Variants in CCDC149 observed in about 807,000 individuals in gnomAD.
CCDC149 encodes coiled-coil domain-containing protein 149.
Under a neutral mutation model 59.9 loss-of-function variants are expected in CCDC149, and 45 were observed. That is an observed-to-expected ratio of 0.75 (90% confidence interval 0.59 to 0.96). The LOEUF (loss-of-function observed/expected upper bound fraction) is 0.96, where lower values mean the gene tolerates loss of function less well. Ranked by LOEUF, CCDC149 falls within the 40% of genes least tolerant of loss-of-function variation. CCDC149 has a pLI of 0.00. For missense variants in CCDC149, 584 were observed against 664.7 expected (o/e 0.88, Z 1.33); for synonymous variants, 245 against 260.6 (o/e 0.94, Z 0.58).
At position 24,975,960 on chromosome 4, in the gene CCDC149, G is replaced by T. The variant is rs559868370; in HGVS notation, c.-65+4109C>A. Among the ~76,000 whole-genome samples, 14 of 149,556 alleles carry T rather than the reference G, an allele frequency of 9.4e-5. No homozygotes were observed. The South Asian group carries it at 3.1e-3, about 33-fold the overall frequency. On this transcript the variant is annotated intron_variant, in intron 1 of 12. Transcript: ENST00000389609. ...CAAGGAAGAGAAAAGAAGAGAAAAGGAGGGTAGAGGAGGAGAGGGGACAGG... is the reference window on the plus strand; with the variant it reads ...CAAGGAAGAGAAAAGAAGAGAAAAGTAGGGTAGAGGAGGAGAGGGGACAGG...
chr4:24,822,585 G>A lies in CCDC149; in HGVS notation c.966-12C>T, dbSNP rs1264464272. ...GATTCCCTAGGATTCTGAAAAAAGGGGAGAAAATGACAATCAATTACTGAG... is the reference window on the plus strand; with the variant it reads ...GATTCCCTAGGATTCTGAAAAAAGGAGAGAAAATGACAATCAATTACTGAG... On this transcript the variant is annotated splice_polypyrimidine_tract_variant and intron_variant, in intron 9 of 12. Transcript: ENST00000635206. 1 of 1,525,272 alleles carries A rather than the reference G, an allele frequency of 6.6e-7. No homozygotes were observed. Among genetic ancestry groups the A allele is most frequent in the South Asian group, 1.3e-5 (1 of 79,554 alleles). The allele number at this position is 1,525,272 out of a possible 1,614,324, so 94.5% of individuals were successfully genotyped here. A position where few individuals can be genotyped will look rare whatever the true frequency, so the allele number is the denominator to read the frequency against.
At chr4:24,933,818 A>G (rs1026565052) in intron 1 of CCDC149, among the ~76,000 whole-genome samples, 8 of 152,202 alleles carry the variant, frequency 5.3e-5, no homozygotes, top group African/African-American at 1.9e-4. Context: ...GCTTTGAACA[A>G]TGACATTAAT....
intron 1 of CCDC149, among the ~76,000 whole-genome samples, chr4:24,903,653 ACAGTCATGTAAC>A (rs1721308761): frequency 6.6e-6 from 1 of 152,204 alleles, no homozygotes; most frequent in African/African-American, 2.4e-5. Context: ...ACAAGCTTAC[ACAGTCATGTAAC>A]CATCATCACA....
intron 1 of CCDC149, among the ~76,000 whole-genome samples, chr4:24,967,488 C>T (rs2109365109): frequency 6.6e-6 from 1 of 152,164 alleles, no homozygotes; most frequent in South Asian, 2.1e-4. Flanking sequence ...AATTTGATGA[C>T]AGAACTGGGA....
rs574040688 is a variant in CCDC149 at position 24,951,918 on chromosome 4, A to T, written c.-65+28151T>A. Among the ~76,000 whole-genome samples, 31 of 152,336 alleles carry T rather than the reference A, an allele frequency of 2.0e-4. 1 individual carries two copies. In the South Asian group the frequency reaches 2.1e-3, roughly 10 times the overall value. ...CCGCAGAGGTAAGTGCTGTATATTA[A>T]TGGGGCACCTTTGGTCTTAGAAGAA... On this transcript the variant is annotated intron_variant, in intron 1 of 12. Transcript: ENST00000389609.
intron 1 of CCDC149, among the ~76,000 whole-genome samples, chr4:24,968,120 C>T (rs1266466348): frequency 2.6e-5 from 4 of 152,240 alleles, no homozygotes; most frequent in Non-Finnish European, 4.4e-5. Context: ...ATGAGCCCTA[C>T]AGGTCGTTGA....
intron 1 of CCDC149, among the ~76,000 whole-genome samples, chr4:24,974,418 A>G (rs1483846761): frequency 6.6e-6 from 1 of 152,204 alleles, no homozygotes; most frequent in African/African-American, 2.4e-5. Context: ...GTGTGGCTCT[A>G]GAGGACAGAG....
At chr4:24,905,406 CGTGCGTGCGTGTGTGTGT>C (rs755744811) in intron 1 of CCDC149, among the ~76,000 whole-genome samples, 3,566 of 110,378 alleles carry the variant, frequency 0.032, 86 homozygotes, top group South Asian at 0.12. Flanking sequence ...TTTCTTTTTG[CGTGCGTGCGTGTGTGTGT>C]GTGTGTGTGT....
In CCDC149 at chr4:24,808,457, C is replaced by T. The variant is rs534195462; in HGVS notation, c.1555G>A (p.Ala519Thr). The change falls in exon 13 of 13, where the codon GCT becomes ACT. Residue 519 changes from alanine to threonine, a missense_variant. Ala to Thr is a moderately conservative substitution (Grantham distance 58). Coordinates refer to ENST00000635206, the MANE Select transcript of CCDC149 (RefSeq NM_001330643.2). ...CCTTTGCCGTCTTCCGGTGTGGAAG[C>T]TTTGGCTGCTGGCCGGCTGGCCTCG... 277 of 1,467,208 alleles carry T rather than the reference C, an allele frequency of 1.9e-4. 2 individuals are homozygous for T. The South Asian group carries it at 3.3e-3, about 17-fold the overall frequency. 90.9% of individuals were successfully genotyped at this position (1,467,208 alleles called of 1,614,324 possible).
intron 3 of CCDC149, among the ~76,000 whole-genome samples, chr4:24,858,121 A>G (rs763466013): frequency 6.6e-6 from 1 of 152,216 alleles, no homozygotes; most frequent in African/African-American, 2.4e-5. Context: ...CCCATGACTC[A>G]CACACATTCA....
intron 12 of CCDC149, among the ~76,000 whole-genome samples, chr4:24,812,108 C>T (rs1018934319): frequency 6.6e-6 from 1 of 152,114 alleles, no homozygotes; most frequent in Non-Finnish European, 1.5e-5. Flanking sequence ...CATTTTTGGC[C>T]CACCTGGATA....
At chr4:24,919,284 G>A (rs1722217200) in intron 1 of CCDC149, among the ~76,000 whole-genome samples, 1 of 152,164 alleles carries the variant, frequency 6.6e-6, no homozygotes, top group African/African-American at 2.4e-5. Flanking sequence ...TGTCCTCAAG[G>A]CTTTTGGAGT....
chr4:24,812,096 T>C (rs1714648610), intron 12 of CCDC149, among the ~76,000 whole-genome samples: 1 of 152,164 alleles, frequency 6.6e-6, no homozygotes, highest in African/African-American at 2.4e-5. Context: ...TACATGATAT[T>C]GCATTTTTGG....
chr4:24,931,677 G>A (rs1176206788), intron 1 of CCDC149, among the ~76,000 whole-genome samples: 2 of 151,734 alleles, frequency 1.3e-5, no homozygotes, highest in East Asian at 3.9e-4. Flanking sequence ...TGGAGGTTAT[G>A]CAGTGCATAT....
chr4:24,928,462 T>C (rs1302699623), intron 1 of CCDC149, among the ~76,000 whole-genome samples: 29 of 152,180 alleles, frequency 1.9e-4, no homozygotes, highest in Admixed American at 1.8e-3. Context: ...TGCATAAAAG[T>C]CGAAGGCTTA....
intron 1 of CCDC149, among the ~76,000 whole-genome samples, chr4:24,882,034 A>G (rs1459851751): frequency 6.6e-6 from 1 of 152,176 alleles, no homozygotes; most frequent in African/African-American, 2.4e-5. Context: ...TACCACATCT[A>G]GTTGGTATTC....
chr4:24,867,519 G>C (rs761719526), intron 3 of CCDC149, among the ~76,000 whole-genome samples: 1 of 152,226 alleles, frequency 6.6e-6, no homozygotes, highest in Non-Finnish European at 1.5e-5. Context: ...GACTAAGAAT[G>C]TGGTATTGTT....
chr4:24,877,279 G>A (rs1311484952), intron 1 of CCDC149, among the ~76,000 whole-genome samples: 2 of 151,900 alleles, frequency 1.3e-5, no homozygotes, highest in Admixed American at 6.6e-5. Flanking sequence ...TCCACCTCCC[G>A]GGTTCAAGTA....
chr4:24,849,888 G>C (rs552162501), intron 4 of CCDC149, among the ~76,000 whole-genome samples: 47 of 152,278 alleles, frequency 3.1e-4, no homozygotes, highest in African/African-American at 1.0e-3. Flanking sequence ...AAGTATTCTT[G>C]AATTTAACAG....
Sources: gnomAD v4.1 joint callset for allele counts (sites outside exome capture counted in the v4.1 genomes callset) on GRCh38, gnomAD v4.1.1 for gene constraint, MANE v1.5 for transcripts, NCBI Gene and HGNC (gene_info 2026-07-23, HGNC 2026-07-21) for gene names.